TAFAZZIN: variants seen among roughly 807,000 people sequenced by gnomAD.
TAFAZZIN encodes the protein tafazzin, phospholipid-lysophospholipid transacylase.
A neutral mutation model predicts 27.3 loss-of-function variants in TAFAZZIN; 6 were observed. The ratio of observed to expected loss-of-function variants is 0.22; its 90% CI spans 0.12 to 0.43. The LOEUF (loss-of-function observed/expected upper bound fraction) is 0.43. Among genes scored for constraint, TAFAZZIN ranks in the 20% least tolerant of loss-of-function variants. The pLI is 1.00. For missense variants in TAFAZZIN, 127 were observed against 244.5 expected, an observed-to-expected ratio of 0.52 and a Z score of 3.21; for synonymous variants, 79 against 96.2, an observed-to-expected ratio of 0.82 and a Z score of 1.04.
chrX:154,411,933 C>G lies in TAFAZZIN; in HGVS notation c.90C>G (p.Thr30=), dbSNP rs1557190917. The change falls in exon 1 of 11, where the codon ACC becomes ACG. Residue 30 remains threonine, a synonymous_variant. Coordinates refer to ENST00000601016, the MANE Select transcript of TAFAZZIN (RefSeq NM_000116.5). The part of the protein sequence containing the change: ...ASSVVMGLVG[T]YSCFWTKYMN... ...GCGTCGTCATGGGCTTGGTGGGCACCTACAGCTGCTTCTGGACCAGTGAGT... is the reference window on the plus strand; with the variant it reads ...GCGTCGTCATGGGCTTGGTGGGCACGTACAGCTGCTTCTGGACCAGTGAGT... 1 of 1,207,403 alleles carries G rather than the reference C, an allele frequency of 8.3e-7. No homozygotes were observed. Among genetic ancestry groups the G allele is most frequent in the Admixed American group, 2.2e-5 (1 of 45,839 alleles).
chrX:154,414,977 G>A (rs907928560), intron 5 of TAFAZZIN, among the ~76,000 whole-genome samples: 17 of 93,967 alleles, frequency 1.8e-4, no homozygotes, highest in East Asian at 6.7e-4. Context: ...CAATAAGAGC[G>A]AAACTCCGTC....
intron 2 of TAFAZZIN, 26 bp downstream of exon 2, chrX:154,412,240 G>A: frequency 3.4e-6 from 4 of 1,185,916 alleles, no homozygotes; most frequent in African/African-American, 1.7e-5. Flanking sequence ...TGCTGGGCAG[G>A]GGGAGGAAAG....
rs146934311 is a variant in TAFAZZIN at position 154,414,113 on chromosome X, T to C, written c.383T>C (p.Phe128Ser). The C allele has an allele frequency of 3.0e-3, 3,664 of 1,204,023 alleles. 64 individuals are homozygous for C. In the African/African-American group the frequency reaches 0.058, roughly 19 times the overall value. ...CCTTCCTCTGCAGGAGCAGAATTTT[T>C]CCAAGCAGAGAATGAGGGGAAAGGT... is the stretch of plus-strand genomic sequence containing the variant. ...CVPVCRGAEF[F>S]QAENEGKGVL... Residue 128 changes from phenylalanine (F) to serine (S), a missense_variant, in exon 5 of 11, where the codon TTC (phenylalanine) becomes TCC (serine). Coordinates refer to ENST00000601016, the MANE Select transcript of TAFAZZIN (RefSeq NM_000116.5).
At chrX:154,419,327 G>T in intron 5 of TAFAZZIN, 5 of 445,637 alleles carry the variant, frequency 1.1e-5, no homozygotes, top group Non-Finnish European at 1.9e-5. Flanking sequence ...GACGGTCATT[G>T]GAGGGCGTCT....
chrX:154,420,892 CT>C lies in TAFAZZIN; in HGVS notation c.778-8del. 1 of 1,208,987 alleles carries C rather than the reference CT, an allele frequency of 8.3e-7. No individual in the cohort carries two copies. The highest frequency in any genetic ancestry group is 1.1e-6 in the Non-Finnish European group (1 of 893,182). On this transcript the variant is annotated splice_polypyrimidine_tract_variant and intron_variant, in intron 10 of 10. Coordinates refer to ENST00000601016, the MANE Select transcript of TAFAZZIN (RefSeq NM_000116.5). ...CGAGGGGTGCAGGCCATCCCTGGTC[CT>C]TTCCCTCAGGTGGAGATGCGGAAAG... is the stretch of plus-strand genomic sequence containing the variant.
At chrX:154,419,498 G>GC (rs1214020528) in intron 5 of TAFAZZIN, 45 bp from the exon 6 acceptor site, 1 of 1,181,208 alleles carries the variant, frequency 8.5e-7, no homozygotes, top group Non-Finnish European at 1.2e-6. Flanking sequence ...GTCACCCCAC[G>GC]CCCCCGAGAA....
chrX:154,415,796 G>T (rs782062895), intron 5 of TAFAZZIN, among the ~76,000 whole-genome samples: 11 of 101,211 alleles, frequency 1.1e-4, no homozygotes, highest in African/African-American at 4.1e-4. Flanking sequence ...TGGGAGAATC[G>T]CTTGAACCCA....
intron 2 of TAFAZZIN, chrX:154,412,976 T>C: frequency 2.2e-6 from 1 of 457,642 alleles, no homozygotes; most frequent in East Asian, 3.8e-5. Context: ...ATTGTCCAAG[T>C]ATGTTGGGGA....
Position 154,419,720 on chromosome X carries a change from G to A in TAFAZZIN, c.557G>A (p.Ser186Asn), listed in dbSNP as rs1569552907. ...HIFPEGKVNM[S>N]SEFLRFKWGI... ...CTCTCACCAGGGAAAGTGAACATGA[G>A]TTCCGAATTCCTGCGTTTCAAGTGG... Residue 186 changes from serine to asparagine, a missense_variant, in exon 7 of 11, where the codon AGT becomes AAT. Around this residue, in one of 3 missense-constraint regions of TAFAZZIN, gnomAD observed 79 missense variants for 188.7 expected, o/e 0.42. Transcript: ENST00000601016. 1 of 1,212,409 alleles carries A rather than the reference G, an allele frequency of 8.2e-7. No homozygotes were observed. The highest frequency in any genetic ancestry group is 1.1e-6 in the Non-Finnish European group (1 of 895,619).
rs782195445 is a variant in TAFAZZIN at position 154,414,095 on chromosome X, C to A, written c.371-6C>A. On this transcript the variant is annotated splice_region_variant and splice_polypyrimidine_tract_variant and intron_variant, in intron 4 of 10. Coordinates refer to ENST00000601016, the MANE Select transcript of TAFAZZIN (RefSeq NM_000116.5). ...ATTTGAATCCAGATTGCTCCTTCCT[C>A]TGCAGGAGCAGAATTTTTCCAAGCA... is the stretch of plus-strand genomic sequence containing the variant. 1.7e-5 allele frequency: 20 copies of A among 1,172,806 alleles called. No individual in the cohort carries two copies. Among genetic ancestry groups the A allele is most frequent in the Non-Finnish European group, 2.1e-5 (18 of 862,497 alleles).
chrX:154,420,395 TAGAC>T, intron 9 of TAFAZZIN, 131 bp downstream of exon 9: 1 of 861,199 alleles, frequency 1.2e-6, no homozygotes, highest in South Asian at 2.0e-5. Flanking sequence ...GAGTGGAACA[TAGAC>T]AGGGACTTCC....
intron 2 of TAFAZZIN, chrX:154,412,901 C>T (rs184669760): frequency 2.6e-6 from 1 of 379,869 alleles, no homozygotes; most frequent in Non-Finnish European, 4.7e-6. Context: ...GGACTTGGAG[C>T]CATCCACTAG....
chrX:154,413,863 T>C (rs2068400864), intron 4 of TAFAZZIN, among the ~76,000 whole-genome samples: 1 of 111,488 alleles, frequency 9.0e-6, no homozygotes, highest in Non-Finnish European at 1.9e-5. Context: ...AAGAGACTCA[T>C]TGAGAACAGT....
chrX:154,414,757 G>A (rs1306156136), intron 5 of TAFAZZIN, among the ~76,000 whole-genome samples: 4 of 108,196 alleles, frequency 3.7e-5, no homozygotes, highest in East Asian at 2.9e-4. Context: ...CTGGGAGGCC[G>A]AGGCGGGCGG....
chrX:154,419,928 G>A (rs1190080624), intron 7 of TAFAZZIN, 104 bp from the exon 8 acceptor site: 6 of 1,125,497 alleles, frequency 5.3e-6, no homozygotes, highest in Non-Finnish European at 7.3e-6. Context: ...CAAGGGAGCT[G>A]AATTGAACTG....
chrX:154,416,125 C>T (rs1417865149), intron 5 of TAFAZZIN, among the ~76,000 whole-genome samples: 6 of 109,507 alleles, frequency 5.5e-5, no homozygotes, highest in Admixed American at 4.8e-4. Flanking sequence ...CGAGGCTGGG[C>T]GCGGTGGCTC....
At chrX:154,413,177 T>C in intron 2 of TAFAZZIN, 30 bp from the exon 3 acceptor site, 1 of 1,211,728 alleles carries the variant, frequency 8.3e-7, no homozygotes, top group South Asian at 1.8e-5. Flanking sequence ...ATATGGGAAG[T>C]TGGGGCATGA....
chrX:154,415,334 G>C (rs1557192505), intron 5 of TAFAZZIN, among the ~76,000 whole-genome samples: 1 of 104,003 alleles, frequency 9.6e-6, no homozygotes, highest in Non-Finnish European at 2.0e-5. Context: ...CGATCCTCCC[G>C]CCTCAGCCTC....
At chrX:154,415,254 C>CTT (rs112258200) in intron 5 of TAFAZZIN, among the ~76,000 whole-genome samples, 139 of 100,997 alleles carry the variant, frequency 1.4e-3, no homozygotes, top group African/African-American at 4.9e-3. Flanking sequence ...CCAGCTAATT[C>CTT]TTTTTTTTTT....
Sources: allele counts gnomAD v4.1 joint callset (sites outside exome capture counted in the v4.1 genomes callset), GRCh38; gene constraint gnomAD v4.1.1; regional missense constraint gnomAD v4.1.1; transcripts MANE v1.5; gene names NCBI Gene and HGNC (gene_info 2026-07-23, HGNC 2026-07-21).